DOCK2: variants seen among roughly 807,000 people sequenced by gnomAD.
DOCK2 encodes the protein dedicator of cytokinesis 2, also known as dedicator of cytokinesis protein 2.
In DOCK2, 87 loss-of-function variants were observed where a neutral mutation model predicts 248.9. The observed-to-expected ratio is 0.35, with a 90% CI of 0.29 to 0.42. The LOEUF (loss-of-function observed/expected upper bound fraction) is 0.42. DOCK2 is among the 10% of genes least tolerant of loss of function. DOCK2 has a pLI of 1.00. For missense variants in DOCK2, 1,747 were observed against 2,300.2 expected (o/e 0.76, Z 4.92); for synonymous variants, 805 against 821.6 (o/e 0.98, Z 0.35).
Position 170,050,333 on chromosome 5 carries a change from C to T in DOCK2, c.4149C>T (p.Pro1383=). The change falls in exon 41 of 52, where the codon CCC becomes CCT. Residue 1383 remains proline (P), a synonymous_variant. Transcript: ENST00000520908. ...DFQMQLMTQF[P]NAEKMNTTSA... ...AGATGCAGCTGATGACCCAGTTCCC[C>T]AATGCAGAGAAGATGAACACCACCT... The T allele has an allele frequency of 6.2e-7, 1 of 1,614,182 alleles. No homozygotes were observed. Among genetic ancestry groups the T allele is most frequent in the Non-Finnish European group, 8.5e-7 (1 of 1,180,018 alleles).
intron 26 of DOCK2, among the ~76,000 whole-genome samples, chr5:169,813,571 C>T (rs576563014): frequency 6.6e-6 from 1 of 152,312 alleles, no homozygotes; most frequent in Admixed American, 6.5e-5. Context: ...AAGGGAGATG[C>T]CTGTGCAATT....
intron 27 of DOCK2, among the ~76,000 whole-genome samples, chr5:169,910,914 TC>T (rs1245975302): frequency 2.0e-5 from 3 of 152,128 alleles, no homozygotes; most frequent in African/African-American, 7.2e-5. Context: ...CAGAACACTA[TC>T]CTCACAAGGC....
At chr5:169,699,341 G>A (rs1434293008) in intron 11 of DOCK2, 41 bp from the exon 12 acceptor site, 2 of 1,597,172 alleles carry the variant, frequency 1.3e-6, no homozygotes, top group Non-Finnish European at 1.7e-6. Context: ...AACGCAAGGA[G>A]GACACGATGT....
chr5:169,656,934 T>C (rs1405246401), intron 2 of DOCK2, among the ~76,000 whole-genome samples: 1 of 152,250 alleles, frequency 6.6e-6, no homozygotes, highest in African/African-American at 2.4e-5. Context: ...TGGTTTTCCA[T>C]TTCTAATTCA....
chr5:170,071,188 G>T (rs1399126161), intron 46 of DOCK2, among the ~76,000 whole-genome samples: 2 of 152,184 alleles, frequency 1.3e-5, no homozygotes, highest in Non-Finnish European at 2.9e-5. Context: ...ATCACATGCA[G>T]CAGATTAGCT....
chr5:169,863,114 C>A (rs144614283), intron 27 of DOCK2, among the ~76,000 whole-genome samples: 335 of 152,286 alleles, frequency 2.2e-3, no homozygotes, highest in African/African-American at 7.4e-3. Context: ...ACTGGATCCA[C>A]ATGTATGTAG....
intron 23 of DOCK2, among the ~76,000 whole-genome samples, chr5:169,755,601 G>A (rs759633959): frequency 2.0e-5 from 3 of 152,004 alleles, no homozygotes; most frequent in Admixed American, 6.6e-5. Context: ...AAAACTAGCC[G>A]GGCGTGGTGG....
At chr5:169,750,689 G>T (rs1214829746) in intron 23 of DOCK2, among the ~76,000 whole-genome samples, 1 of 152,218 alleles carries the variant, frequency 6.6e-6, no homozygotes, top group Admixed American at 6.5e-5. Context: ...ATAGAAAGGG[G>T]CTTCATCTCT....
chr5:170,059,170 GAGCCCACCCC>G (rs1425081172), intron 44 of DOCK2, among the ~76,000 whole-genome samples: 2 of 151,822 alleles, frequency 1.3e-5, no homozygotes, highest in Admixed American at 6.6e-5. Flanking sequence ...AGAAAAAGAA[GAGCCCACCCC>G]AGCCCACCCC....
intron 33 of DOCK2, among the ~76,000 whole-genome samples, chr5:170,024,048 C>T (rs549946699): frequency 6.6e-6 from 1 of 152,336 alleles, no homozygotes; most frequent in South Asian, 2.1e-4. Flanking sequence ...AAGAGGGAGG[C>T]CCAGGCAGAA....
chr5:169,676,633 A>G (rs1759350277), intron 6 of DOCK2, among the ~76,000 whole-genome samples: 1 of 152,096 alleles, frequency 6.6e-6, no homozygotes, highest in Admixed American at 6.5e-5. Context: ...AGCTTCCTCA[A>G]ATCCAGGAGG....
At chr5:170,044,377 A>G (rs1483752676) in intron 38 of DOCK2, among the ~76,000 whole-genome samples, 1 of 152,210 alleles carries the variant, frequency 6.6e-6, no homozygotes, top group Non-Finnish European at 1.5e-5. Flanking sequence ...ACTCAGAGAA[A>G]TTAGTGACTG....
chr5:169,789,964 C>T (rs10042324), intron 25 of DOCK2, among the ~76,000 whole-genome samples: 21,916 of 152,100 alleles, frequency 0.14, 2,451 homozygotes, highest in African/African-American at 0.31. Flanking sequence ...TCTTGGTTTT[C>T]CTTTTGTAAT....
intron 11 of DOCK2, among the ~76,000 whole-genome samples, chr5:169,698,702 T>A (rs183323124): frequency 1.3e-5 from 2 of 152,252 alleles, no homozygotes; most frequent in Non-Finnish European, 2.9e-5. Flanking sequence ...GGCACTGTGC[T>A]AGGTGTGGAG....
chr5:169,860,085 C>T (rs1771111167), intron 27 of DOCK2, among the ~76,000 whole-genome samples: 1 of 151,146 alleles, frequency 6.6e-6, no homozygotes, highest in Non-Finnish European at 1.5e-5. Context: ...CCTGCCTCAG[C>T]CTCCTGATTA....
rs191136710 is a variant in DOCK2, at chr5:170,055,079, G to A, written c.4214-226G>A. 1.5e-3 allele frequency among the ~76,000 whole-genome samples: 229 copies of A among 152,314 alleles called. 2 individuals are homozygous for A. Among genetic ancestry groups the A allele is most frequent in the African/African-American group, 5.3e-3 (220 of 41,566 alleles). ...TAAACACCACTAGACAACTCTGTTT[G>A]TAGGGGCTGAGCCCTGGCATAAGGT... On this transcript the variant is annotated intron_variant, in intron 41 of 51. Transcript: ENST00000520908.
intron 30 of DOCK2, among the ~76,000 whole-genome samples, chr5:169,998,537 G>A (rs1754725812): frequency 1.3e-5 from 2 of 152,198 alleles, no homozygotes; most frequent in South Asian, 4.1e-4. Context: ...CACTTTAAGG[G>A]CATTATCTTT....
At chr5:169,750,718 G>A (rs1266827025) in intron 23 of DOCK2, among the ~76,000 whole-genome samples, 1 of 152,060 alleles carries the variant, frequency 6.6e-6, no homozygotes, top group East Asian at 1.9e-4. Flanking sequence ...TTGCTCTAAG[G>A]GTCAAATTTA....
intron 27 of DOCK2, chr5:169,884,616 G>A (rs1036753259): frequency 2.0e-5 from 3 of 152,200 alleles, no homozygotes; most frequent in African/African-American, 7.2e-5. Flanking sequence ...ACAAAACCCA[G>A]TGGGGTATGA....
Sources: allele counts gnomAD v4.1 joint callset (sites outside exome capture counted in the v4.1 genomes callset), GRCh38; gene constraint gnomAD v4.1.1; transcripts MANE v1.5; gene names NCBI Gene and HGNC (gene_info 2026-07-23, HGNC 2026-07-21).